Variants in RNF10 observed in about 807,000 individuals in gnomAD.
RNF10 encodes the protein E3 ubiquitin-protein ligase RNF10.
Under a neutral mutation model 91.4 loss-of-function variants are expected in RNF10, and 38 were observed. That is an observed-to-expected ratio of 0.42 (90% CI 0.32 to 0.54). The LOEUF is 0.54. Ranked by LOEUF, RNF10 falls within the 20% of genes least tolerant of loss-of-function variation. RNF10 has a pLI of 0.16. For missense variants in RNF10, 945 were observed against 1,012.0 expected, an observed-to-expected ratio of 0.93 and a Z score of 0.90; for synonymous variants, 364 against 366.3, an observed-to-expected ratio of 0.99 and a Z score of 0.07.
In RNF10 at chr12:120,566,936, C is replaced by T. The variant is rs61760871; in HGVS notation, c.1997C>T (p.Ala666Val). The T allele has an allele frequency of 1.2e-3, 2,001 of 1,612,636 alleles. 1 individual carries two copies. The highest frequency in any genetic ancestry group is 1.3e-3 in the Non-Finnish European group (1,572 of 1,179,634). Residue 666 changes from alanine to valine, a missense_variant, in exon 13 of 17, where the codon GCC (alanine) becomes GTC (valine). Physicochemically the swap from Ala to Val is moderately conservative, Grantham distance 64. Transcript: ENST00000325954. Reference protein sequence around the residue: ...LGPTSTEGHGALSISPLSRSP... With the variant: ...LGPTSTEGHGVLSISPLSRSP... ...CCCACCAGCACCGAGGGCCATGGGGCCCTCTCCATTTCTCCTCTCAGCAGA... is the reference window on the plus strand; with the variant it reads ...CCCACCAGCACCGAGGGCCATGGGGTCCTCTCCATTTCTCCTCTCAGCAGA...
rs994364068 is a variant in RNF10 at position 120,572,206 on chromosome 12, A to G, written c.2142+915A>G. 4.0e-5 allele frequency among the ~76,000 whole-genome samples: 6 copies of G among 151,128 alleles called. No individual in the cohort carries two copies. The South Asian group carries it at 1.0e-3, about 26-fold the overall frequency. ...CTCAGCCTCCCGAGTAGCTGGGACT[A>G]TAGGCGCCTGCCACCACGCCCGGCT... On this transcript the variant is annotated intron_variant, in intron 14 of 16. Transcript: ENST00000325954.
At position 120,566,982 on chromosome 12, in the gene RNF10, TA is replaced by T. The variant is rs1288972406; in HGVS notation, c.2041+5del. 1.3e-6 allele frequency: 2 copies of T among 1,595,032 alleles called. No individual in the cohort carries two copies. Among genetic ancestry groups the T allele is most frequent in the Admixed American group, 1.9e-5 (1 of 52,852 alleles). The stretch of plus-strand genomic sequence containing the variant: ...GCAGAAGTCCAGGTTCCCATGCAGG[TA>T]AACAGGTGAAATTTAATGAATTCAC... On this transcript the variant is annotated splice_donor_region_variant and intron_variant, in intron 13 of 16. Transcript: ENST00000325954.
At chr12:120,561,089 G>T (rs953080755) in intron 7 of RNF10, among the ~76,000 whole-genome samples, 2 of 152,188 alleles carry the variant, frequency 1.3e-5, no homozygotes, top group South Asian at 2.1e-4. Flanking sequence ...GATGACAGTA[G>T]AGAAGGTTTA....
rs143473515 is a variant in RNF10 at position 120,541,520 on chromosome 12, C to T, written c.158-4885C>T. On this transcript the variant is annotated intron_variant, in intron 1 of 16. Coordinates refer to ENST00000325954, the MANE Select transcript of RNF10 (RefSeq NM_014868.5). ...CACGATCTCCGCTCACTGCTAGCCC[C>T]GCCTCCCGGGTTCACGCCATTCTCC... Among the ~76,000 whole-genome samples, 9 of 151,714 alleles carry T rather than the reference C, an allele frequency of 5.9e-5. No individual in the cohort carries two copies. In the South Asian group the frequency reaches 1.9e-3, roughly 32 times the overall value.
chr12:120,576,438 TG>T (rs1441083726), intron 16 of RNF10, 151 bp from the exon 17 acceptor site: 1 of 1,202,120 alleles, frequency 8.3e-7, no homozygotes, highest in Admixed American at 3.0e-5. Flanking sequence ...GACACCCACT[TG>T]GTGTATACCA....
chr12:120,575,947 T>C lies in RNF10; in HGVS notation c.2356T>C (p.Ser786Pro), dbSNP rs760587634. 3 of 1,613,396 alleles carry C rather than the reference T, an allele frequency of 1.9e-6. No individual in the cohort carries two copies. The highest frequency in any genetic ancestry group is 8.5e-7 in the Non-Finnish European group (1 of 1,180,024). The change falls in exon 16 of 17, where the codon TCT becomes CCT. Residue 786 changes from serine to proline, a missense_variant. Coordinates refer to ENST00000325954, the MANE Select transcript of RNF10 (RefSeq NM_014868.5). ...CACACCAGCTACTTCAGATCCCCTC[T>C]CTGGTAAGGGCAGAGGCTGGAGTGC... ...LDTPATSDPLSEEKGGKKRKK... is the reference protein window; with the variant it reads ...LDTPATSDPLPEEKGGKKRKK...
intron 14 of RNF10, among the ~76,000 whole-genome samples, chr12:120,573,432 T>C (rs1876954203): frequency 6.6e-6 from 1 of 152,142 alleles, no homozygotes; most frequent in African/African-American, 2.4e-5. Context: ...ATGAATGGAT[T>C]CAGGTTACAT....
chr12:120,573,435 G>T, intron 14 of RNF10, among the ~76,000 whole-genome samples: 1 of 151,974 alleles, frequency 6.6e-6, no homozygotes, highest in East Asian at 1.9e-4. Flanking sequence ...AATGGATTCA[G>T]GTTACATTTA....
rs1264303016 is a variant in RNF10 at position 120,534,931 on chromosome 12, C to T, written c.120C>T (p.Ala40=). ...SSKGQQPPRS[A]SAGPAGESKP... Reference sequence around the variant, plus strand: ...AAGGGCAACAGCCGCCCCGCTCCGCCTCGGCGGGGCCAGCCGGCGAGTCTA... The same window carrying T: ...AAGGGCAACAGCCGCCCCGCTCCGCTTCGGCGGGGCCAGCCGGCGAGTCTA... The change falls in exon 1 of 17, where the codon GCC becomes GCT. Residue 40 remains alanine (A), a synonymous_variant. Transcript: ENST00000325954. The T allele has an allele frequency of 6.2e-7, 1 of 1,603,492 alleles. No individual in the cohort carries two copies. The highest frequency in any genetic ancestry group is 8.5e-7 in the Non-Finnish European group (1 of 1,179,266).
rs985341836 is a variant in RNF10 at position 120,565,209 on chromosome 12, G to C, written c.1783+20G>C. 5 of 1,501,708 alleles carry C rather than the reference G, an allele frequency of 3.3e-6. No homozygotes were observed. The Admixed American group carries it at 8.4e-5, about 25-fold the overall frequency. 93.0% of individuals were successfully genotyped at this position (1,501,708 alleles called of 1,614,324 possible). ...TCTCAGGTGAGAATGCCCCTGCTCT[G>C]CTTCTCTTTATAGTAGGGTTCAGGG... is the stretch of plus-strand genomic sequence containing the variant. On this transcript the variant is annotated intron_variant, in intron 11 of 16. Coordinates refer to ENST00000325954, the MANE Select transcript of RNF10 (RefSeq NM_014868.5).
chr12:120,553,048 T>TG, intron 3 of RNF10, among the ~76,000 whole-genome samples: 1 of 3,632 alleles, frequency 2.8e-4, no homozygotes, highest in African/African-American at 7.7e-4. Flanking sequence ...GTTTTTTTTT[T>TG]TTTTTTTTTT....
chr12:120,555,297 T>C (rs569474160), intron 4 of RNF10, among the ~76,000 whole-genome samples: 3 of 151,864 alleles, frequency 2.0e-5, no homozygotes, highest in Non-Finnish European at 4.4e-5. Flanking sequence ...TTCTCATGCC[T>C]CAGCCTCCTG....
At chr12:120,570,944 A>G (rs773771963) in intron 13 of RNF10, among the ~76,000 whole-genome samples, 5 of 152,204 alleles carry the variant, frequency 3.3e-5, no homozygotes, top group Non-Finnish European at 5.9e-5. Context: ...AGATTCTACC[A>G]TGACTTCTAG....
At chr12:120,552,771 C>A in intron 3 of RNF10, 73 bp downstream of exon 3, 1 of 1,345,814 alleles carries the variant, frequency 7.4e-7, no homozygotes, top group Non-Finnish European at 1.0e-6. Flanking sequence ...CTGTGAGAGG[C>A]TTTTTTTAAG....
intron 2 of RNF10, among the ~76,000 whole-genome samples, chr12:120,548,950 A>G (rs614053): frequency 0.98 from 148,803 of 152,132 alleles, 72,843 homozygotes; most frequent in East Asian, 1. Context: ...GATTACAGGC[A>G]TGAGCCACCG....
chr12:120,555,433 T>C (rs1873833837), intron 4 of RNF10, among the ~76,000 whole-genome samples: 1 of 151,816 alleles, frequency 6.6e-6, no homozygotes, highest in South Asian at 2.1e-4. Flanking sequence ...CCACCCACCT[T>C]GGCCTCCCAA....
chr12:120,561,896 C>A (rs1376442022), intron 7 of RNF10, among the ~76,000 whole-genome samples: 1 of 152,200 alleles, frequency 6.6e-6, no homozygotes, highest in Non-Finnish European at 1.5e-5. Context: ...TCCTACTACT[C>A]TGGACCTCTG....
intron 2 of RNF10, 94 bp from the exon 3 acceptor site, chr12:120,552,405 A>C: frequency 9.3e-7 from 1 of 1,074,866 alleles, no homozygotes; most frequent in South Asian, 1.5e-5. Context: ...GTCTCAAAAA[A>C]AAAAGCTGTG....
At chr12:120,557,166 G>A (rs942581697) in intron 4 of RNF10, 116 bp from the exon 5 acceptor site, 15 of 826,816 alleles carry the variant, frequency 1.8e-5, no homozygotes, top group Non-Finnish European at 3.0e-5. Flanking sequence ...TGAGTATAAG[G>A]ATGTACGGGG....
Sources: gnomAD v4.1 joint callset for allele counts (sites outside exome capture counted in the v4.1 genomes callset) on GRCh38, gnomAD v4.1.1 for gene constraint, MANE v1.5 for transcripts, NCBI Gene and HGNC (gene_info 2026-07-23, HGNC 2026-07-21) for gene names.